The following CDC42EP3 variants were observed in gnomAD, a reference collection of about 807,000 sequenced individuals.
CDC42EP3 encodes the protein CDC42 effector protein (Rho GTPase binding) 3.
Under a neutral mutation model 15.5 loss-of-function variants are expected in CDC42EP3, and 4 were observed. That is an observed-to-expected ratio of 0.26 (90% confidence interval 0.13 to 0.59). The LOEUF (loss-of-function observed/expected upper bound fraction) is 0.59. Among genes scored for constraint, CDC42EP3 ranks in the 20% least tolerant of loss-of-function variants. The probability of loss-of-function intolerance (pLI) is 0.89; values close to 1 mark genes in which losing one functional copy is unlikely to be tolerated. For synonymous variants in CDC42EP3, 145 were observed against 130.3 expected, an observed-to-expected ratio of 1.11 and a Z score of -0.77; for missense variants, 309 against 311.2, an observed-to-expected ratio of 0.99 and a Z score of 0.05.
At chr2:37,656,231 T>C (rs1665841250) in intron 1 of CDC42EP3, among the ~76,000 whole-genome samples, 1 of 152,242 alleles carries the variant, frequency 6.6e-6, no homozygotes, top group Admixed American at 6.5e-5. Context: ...CTACTTCCAC[T>C]ACCAACATCC....
intron 1 of CDC42EP3, among the ~76,000 whole-genome samples, chr2:37,660,440 C>T (rs532651543): frequency 3.3e-5 from 5 of 152,258 alleles, no homozygotes; most frequent in African/African-American, 1.2e-4. Context: ...ACAAATGAAA[C>T]GTCCCGGAGT....
intron 1 of CDC42EP3, among the ~76,000 whole-genome samples, chr2:37,666,872 A>T (rs1666267086): frequency 6.6e-6 from 1 of 151,116 alleles, no homozygotes; most frequent in South Asian, 2.1e-4. Flanking sequence ...CTACATGGCT[A>T]CTTATTCTGG....
At chr2:37,658,602 C>T (rs1484486284) in intron 1 of CDC42EP3, among the ~76,000 whole-genome samples, 1 of 152,132 alleles carries the variant, frequency 6.6e-6, no homozygotes, top group Non-Finnish European at 1.5e-5. Context: ...CCCTGCCTGC[C>T]TTAGGCATCT....
chr2:37,670,495 TTTTTTTA>T (rs1666376284), intron 1 of CDC42EP3, among the ~76,000 whole-genome samples: 1 of 151,758 alleles, frequency 6.6e-6, no homozygotes, highest in African/African-American at 2.4e-5. Flanking sequence ...TTTTTTTTTT[TTTTTTTA>T]AACAAAATGT....
upstream of CDC42EP3, chr2:37,672,335 C>G (rs1180554364): frequency 6.6e-6 from 1 of 152,388 alleles, no homozygotes; most frequent in Non-Finnish European, 1.5e-5. Flanking sequence ...GAACAGCAGA[C>G]GCTACAGGTT....
At chr2:37,664,751 T>G (rs1466834413) in intron 1 of CDC42EP3, among the ~76,000 whole-genome samples, 1 of 152,208 alleles carries the variant, frequency 6.6e-6, no homozygotes, top group Non-Finnish European at 1.5e-5. Context: ...GGCAGGCACT[T>G]GCGTCAATCA....
At chr2:37,665,680 G>A (rs577544180) in intron 1 of CDC42EP3, among the ~76,000 whole-genome samples, 58 of 152,310 alleles carry the variant, frequency 3.8e-4, no homozygotes, top group African/African-American at 1.0e-3. Flanking sequence ...GTTGTCACCA[G>A]AACATGACGG....
chr2:37,671,371 G>C (rs528752987), intron 1 of CDC42EP3, 55 bp downstream of exon 1: 1 of 152,354 alleles, frequency 6.6e-6, no homozygotes, highest in Non-Finnish European at 1.5e-5. Context: ...GGCCGCGGGC[G>C]GGACAGACTC....
chr2:37,670,013 G>T (rs538998743), intron 1 of CDC42EP3, among the ~76,000 whole-genome samples: 15 of 152,280 alleles, frequency 9.9e-5, no homozygotes, highest in African/African-American at 3.4e-4. Flanking sequence ...ATTGCAGGGG[G>T]TATGAAAGAG....
chr2:37,654,048 G>GC (rs1218351200), intron 1 of CDC42EP3, among the ~76,000 whole-genome samples: 1 of 152,132 alleles, frequency 6.6e-6, no homozygotes, highest in Non-Finnish European at 1.5e-5. Context: ...CACCATCTGA[G>GC]CCCCATGCCA....
intron 1 of CDC42EP3, among the ~76,000 whole-genome samples, chr2:37,654,740 T>C (rs1350564555): frequency 6.6e-6 from 1 of 152,212 alleles, no homozygotes; most frequent in Non-Finnish European, 1.5e-5. Context: ...CACACGGACT[T>C]TCCCTTGAAG....
intron 1 of CDC42EP3, among the ~76,000 whole-genome samples, chr2:37,668,927 G>A (rs1666323044): frequency 6.6e-6 from 1 of 152,100 alleles, no homozygotes; most frequent in African/African-American, 2.4e-5. Context: ...AAGATTTTGT[G>A]GCTGGCTGAA....
intron 1 of CDC42EP3, among the ~76,000 whole-genome samples, chr2:37,653,351 G>A (rs1428960643): frequency 6.6e-6 from 1 of 152,208 alleles, no homozygotes; most frequent in Non-Finnish European, 1.5e-5. Flanking sequence ...TATAAGGAAG[G>A]AAGAGAGCCG....
intron 1 of CDC42EP3, among the ~76,000 whole-genome samples, chr2:37,660,915 A>T (rs1253002767): frequency 6.6e-6 from 1 of 152,226 alleles, no homozygotes; most frequent in Non-Finnish European, 1.5e-5. Context: ...AGAGTGGACC[A>T]GTAATCATTG....
chr2:37,658,514 G>C (rs1006686636), intron 1 of CDC42EP3, among the ~76,000 whole-genome samples: 4 of 152,098 alleles, frequency 2.6e-5, no homozygotes, highest in African/African-American at 9.7e-5. Context: ...TTATATTCCA[G>C]ACTTCTCTAC....
intron 1 of CDC42EP3, among the ~76,000 whole-genome samples, chr2:37,666,647 G>T (rs554480099): frequency 5.6e-4 from 85 of 152,222 alleles, no homozygotes; most frequent in African/African-American, 2.0e-3. Flanking sequence ...CAGTTTACTT[G>T]GCTATTTAGA....
rs1259971232 is a variant in CDC42EP3, at chr2:37,643,831, G to C, written c.*1992C>G. 1 of 152,196 alleles carries C rather than the reference G, an allele frequency of 6.6e-6. No individual in the cohort carries two copies. The highest frequency in any genetic ancestry group is 1.5e-5 in the Non-Finnish European group (1 of 68,044). 9.4% of individuals were successfully genotyped at this position (152,196 alleles called of 1,614,324 possible). A position where few individuals can be genotyped will look rare whatever the true frequency, so the allele number is the denominator to read the frequency against. On this transcript the variant is annotated 3_prime_UTR_variant, in exon 2 of 2. Transcript: ENST00000295324. Reference sequence around the variant, plus strand: ...GAACTGTGACGGGTGTGGTCCAACAGAAAAAACACTGGAGAGTCATGGATA... The same window carrying C: ...GAACTGTGACGGGTGTGGTCCAACACAAAAAACACTGGAGAGTCATGGATA...
Position 37,645,764 on chromosome 2 carries a change from C to CAACT in CDC42EP3, c.*55_*58dup. The CAACT allele has an allele frequency of 7.4e-7, 1 of 1,359,556 alleles. No individual in the cohort carries two copies. The highest frequency in any genetic ancestry group is 9.9e-7 in the Non-Finnish European group (1 of 1,006,950). 84.2% of individuals were successfully genotyped at this position (1,359,556 alleles called of 1,614,324 possible). On this transcript the variant is annotated 3_prime_UTR_variant, in exon 2 of 2. Transcript: ENST00000295324. ...ATACAGCTCCGGAAGCCCTTCTCTT[C>CAACT]AACTGTGGTTAGTTTGTTTTTGTAC...
chr2:37,657,083 C>A (rs1412813973), intron 1 of CDC42EP3, among the ~76,000 whole-genome samples: 1 of 145,636 alleles, frequency 6.9e-6, no homozygotes, highest in East Asian at 2.1e-4. Context: ...CCAGAGGAAG[C>A]CCATTGCATG....
Sources: allele counts gnomAD v4.1 joint callset (sites outside exome capture counted in the v4.1 genomes callset), GRCh38; gene constraint gnomAD v4.1.1; transcripts MANE v1.5; gene names NCBI Gene and HGNC (gene_info 2026-07-23, HGNC 2026-07-21).